The following HNRNPC variants were observed in gnomAD, a reference collection of about 807,000 sequenced individuals.
HNRNPC encodes the protein heterogeneous nuclear ribonucleoprotein C, also known as heterogeneous nuclear ribonucleoproteins C1/C2.
A neutral mutation model predicts 33.2 loss-of-function variants in HNRNPC; 3 were observed. The observed-to-expected ratio is 0.09, with a 90% confidence interval of 0.04 to 0.23. The LOEUF (loss-of-function observed/expected upper bound fraction) is 0.23, where lower values mean the gene tolerates loss of function less well. Ranked by LOEUF, HNRNPC falls within the 10% of genes least tolerant of loss-of-function variation. HNRNPC has a pLI of 1.00. For missense variants in HNRNPC, 143 were observed against 366.7 expected (o/e 0.39, Z 4.98); for synonymous variants, 121 against 126.7 (o/e 0.96, Z 0.30).
At chr14:21,223,333 ACAG>A (rs1417533407) in intron 5 of HNRNPC, among the ~76,000 whole-genome samples, 1 of 152,186 alleles carries the variant, frequency 6.6e-6, no homozygotes, top group African/African-American at 2.4e-5. Flanking sequence ...ACTCAGTCAT[ACAG>A]CAGATTGATT....
chr14:21,242,611 G>A (rs7155916), intron 2 of HNRNPC, among the ~76,000 whole-genome samples: 1 of 152,096 alleles, frequency 6.6e-6, no homozygotes, highest in African/African-American at 2.4e-5. Flanking sequence ...GTGGAGTACA[G>A]GATTTGCAAA....
chr14:21,243,487 G>GATAT (rs1895605042), intron 2 of HNRNPC, among the ~76,000 whole-genome samples: 1 of 152,144 alleles, frequency 6.6e-6, no homozygotes, highest in Non-Finnish European at 1.5e-5. Context: ...ATTCAAAAAT[G>GATAT]ATATACACCA....
chr14:21,229,542 T>C (rs1203065580), intron 5 of HNRNPC, among the ~76,000 whole-genome samples: 2 of 152,210 alleles, frequency 1.3e-5, no homozygotes, highest in African/African-American at 4.8e-5. Context: ...AATGACTACG[T>C]ACCATATTCT....
intron 5 of HNRNPC, among the ~76,000 whole-genome samples, chr14:21,226,164 T>C (rs1183714960): frequency 6.6e-6 from 1 of 151,146 alleles, no homozygotes; most frequent in Non-Finnish European, 1.5e-5. Context: ...CTACTAAAAA[T>C]ACAAAAAATC....
chr14:21,242,416 G>C (rs923539712), intron 2 of HNRNPC, among the ~76,000 whole-genome samples: 2 of 152,146 alleles, frequency 1.3e-5, no homozygotes, highest in African/African-American at 4.8e-5. Context: ...CCCAAGACGC[G>C]GAGGTTGCAG....
chr14:21,218,708 A>AAAAC (rs1555351295), intron 5 of HNRNPC, among the ~76,000 whole-genome samples: 22 of 142,512 alleles, frequency 1.5e-4, no homozygotes, highest in Non-Finnish European at 3.2e-4. Context: ...AAAAAAAAAA[A>AAAAC]CTGAAATTGA....
At chr14:21,211,588 CT>C in intron 7 of HNRNPC, 22 bp from the exon 8 acceptor site, 1 of 1,594,228 alleles carries the variant, frequency 6.3e-7, no homozygotes, top group Non-Finnish European at 8.6e-7. Flanking sequence ...AAGGACAAGT[CT>C]GTCTAGGGGC....
intron 6 of HNRNPC, among the ~76,000 whole-genome samples, 167 bp downstream of exon 6, chr14:21,212,793 T>C (rs1891762554): frequency 6.6e-6 from 1 of 152,152 alleles, no homozygotes; most frequent in Admixed American, 6.5e-5. Context: ...ATCCACCCGC[T>C]GGGCCTCCCA....
At chr14:21,250,218 A>G (rs1594300905) in intron 2 of HNRNPC, among the ~76,000 whole-genome samples, 1 of 151,928 alleles carries the variant, frequency 6.6e-6, no homozygotes, top group East Asian at 1.9e-4. Context: ...GCACCACTGC[A>G]CTCCAGCCTG....
chr14:21,240,465 T>C (rs1262878652), intron 2 of HNRNPC, among the ~76,000 whole-genome samples: 1 of 152,238 alleles, frequency 6.6e-6, no homozygotes, highest in Non-Finnish European at 1.5e-5. Context: ...AATTCAATTC[T>C]ACTTGGAAAA....
At chr14:21,216,433 C>T (rs1279071057) in intron 5 of HNRNPC, among the ~76,000 whole-genome samples, 1 of 152,062 alleles carries the variant, frequency 6.6e-6, no homozygotes, top group African/African-American at 2.4e-5. Flanking sequence ...TTTTGCCGGA[C>T]AGGGTGGCTC....
chr14:21,250,210 A>G (rs934301074), intron 2 of HNRNPC, among the ~76,000 whole-genome samples: 10 of 151,782 alleles, frequency 6.6e-5, no homozygotes, highest in Non-Finnish European at 1.5e-4. Context: ...CCGAGATCGC[A>G]CCACTGCACT....
At chr14:21,227,040 A>T (rs1386832394) in intron 5 of HNRNPC, among the ~76,000 whole-genome samples, 1 of 152,068 alleles carries the variant, frequency 6.6e-6, no homozygotes, top group Admixed American at 6.5e-5. Context: ...TAAAAATCTA[A>T]ACCTTATGAT....
intron 5 of HNRNPC, among the ~76,000 whole-genome samples, chr14:21,219,199 TCTTTC>T (rs1892564542): frequency 6.6e-6 from 1 of 152,090 alleles, no homozygotes; most frequent in South Asian, 2.1e-4. Context: ...AGTAAGAAGT[TCTTTC>T]ACTTACAATA....
chr14:21,267,119 A>AC (rs2139078481), intron 1 of HNRNPC, among the ~76,000 whole-genome samples: 2 of 126,200 alleles, frequency 1.6e-5, no homozygotes, highest in South Asian at 2.6e-4. Context: ...AAAAAAAAAA[A>AC]AAAAAAAACA....
At chr14:21,251,859 GT>G (rs555359563) in intron 2 of HNRNPC, among the ~76,000 whole-genome samples, 9 of 151,680 alleles carry the variant, frequency 5.9e-5, no homozygotes, top group Non-Finnish European at 8.8e-5. Flanking sequence ...GTTAAGATCA[GT>G]TTTTTTTGCC....
chr14:21,228,005 T>C (rs1422437058), intron 5 of HNRNPC, among the ~76,000 whole-genome samples: 2 of 152,156 alleles, frequency 1.3e-5, no homozygotes, highest in Admixed American at 6.5e-5. Flanking sequence ...AAAGAACACA[T>C]AGAAAGCACT....
At chr14:21,262,097 C>T (rs1427600797) in intron 2 of HNRNPC, among the ~76,000 whole-genome samples, 1 of 152,118 alleles carries the variant, frequency 6.6e-6, no homozygotes, top group African/African-American at 2.4e-5. Flanking sequence ...TTTGTGAGGT[C>T]AAAAAGCCTA....
chr14:21,241,993 T>TAC (rs1162902999), intron 2 of HNRNPC, among the ~76,000 whole-genome samples: 2 of 152,212 alleles, frequency 1.3e-5, no homozygotes, highest in Non-Finnish European at 2.9e-5. Flanking sequence ...TACATGGTAC[T>TAC]ACTAGGTAGC....
Sources: allele counts gnomAD v4.1 joint callset (sites outside exome capture counted in the v4.1 genomes callset), GRCh38; gene constraint gnomAD v4.1.1; transcripts MANE v1.5; gene names NCBI Gene and HGNC (gene_info 2026-07-23, HGNC 2026-07-21).